Variants in SMC5 observed in about 807,000 individuals in gnomAD.
SMC5 encodes structural maintenance of chromosomes 5.
SMC5 carries 88 observed loss-of-function variants against 148.3 expected under a neutral mutation model. The observed-to-expected ratio is 0.59, with a 90% CI of 0.50 to 0.71. SMC5 has a LOEUF of 0.71. Among genes scored for constraint, SMC5 ranks in the 30% least tolerant of loss-of-function variants. The pLI is 0.00. For missense variants in SMC5, 1,142 were observed against 1,298.9 expected, an observed-to-expected ratio of 0.88 and a Z score of 1.86; for synonymous variants, 421 against 432.8, an observed-to-expected ratio of 0.97 and a Z score of 0.34.
intron 17 of SMC5, among the ~76,000 whole-genome samples, chr9:70,337,298 G>A (rs1286438253): frequency 1.3e-5 from 2 of 152,168 alleles, no homozygotes; most frequent in Non-Finnish European, 2.9e-5. Flanking sequence ...TTTGGAGTAA[G>A]TATGCTCTTA....
intron 17 of SMC5, among the ~76,000 whole-genome samples, chr9:70,332,045 T>C (rs564558937): frequency 6.3e-4 from 96 of 152,236 alleles, no homozygotes; most frequent in Non-Finnish European, 1.2e-3. Flanking sequence ...GCCAATAAAT[T>C]TGACAACTTT....
rs555849147 is a variant in SMC5, at chr9:70,282,997, A to G, written c.981+414A>G. Among the ~76,000 whole-genome samples the G allele has an allele frequency of 1.5e-3, 223 of 152,348 alleles. 1 individual carries two copies. Among genetic ancestry groups the G allele is most frequent in the Admixed American group, 5.0e-3 (76 of 15,294 alleles). On this transcript the variant is annotated intron_variant, in intron 7 of 24. Transcript: ENST00000361138. ...CTGTATTTTAAAAGTATAACTAGAT[A>G]TTTTTTATGACTATGGCTTCTAACC...
chr9:70,300,222 G>A (rs773651824), intron 10 of SMC5, 22 bp downstream of exon 10: 3 of 1,563,686 alleles, frequency 1.9e-6, no homozygotes, highest in Non-Finnish European at 2.6e-6. Flanking sequence ...TGTTCATCTT[G>A]GTAGTATTGG....
intron 8 of SMC5, among the ~76,000 whole-genome samples, chr9:70,295,152 G>A (rs535526660): frequency 1.3e-5 from 2 of 152,120 alleles, no homozygotes; most frequent in South Asian, 4.1e-4. Context: ...AAATAGCCAA[G>A]TTTCCATTAG....
intron 3 of SMC5, among the ~76,000 whole-genome samples, chr9:70,276,099 A>C (rs1338662480): frequency 6.6e-6 from 1 of 152,234 alleles, no homozygotes; most frequent in Non-Finnish European, 1.5e-5. Context: ...TCTGCCAGAG[A>C]CCATTGAATA....
chr9:70,317,971 T>C (rs1024672712), intron 13 of SMC5, among the ~76,000 whole-genome samples: 2 of 152,190 alleles, frequency 1.3e-5, no homozygotes, highest in African/African-American at 4.8e-5. Context: ...TCCTGCTATC[T>C]CTTCTTTAGA....
At position 70,352,259 on chromosome 9, in the gene SMC5, G is replaced by A. The variant is rs1204530253; in HGVS notation, c.3234G>A (p.Leu1078=). 2 of 1,613,734 alleles carry A rather than the reference G, an allele frequency of 1.2e-6. No homozygotes were observed. Among genetic ancestry groups the A allele is most frequent in the South Asian group, 2.2e-5 (2 of 90,996 alleles). ...VLFVYNGPHM[L]EPNTWNLKAF... is the part of the protein sequence containing the mutation. The stretch of plus-strand genomic sequence containing the variant: ...TTGTCTACAATGGCCCTCATATGCT[G>A]GAACCAAACACATGGAATTTAAAGG... Residue 1078 remains leucine, a synonymous_variant, in exon 25 of 25, where the codon CTG becomes CTA. Transcript: ENST00000361138.
At chr9:70,307,681 T>G (rs1358982105) in intron 11 of SMC5, among the ~76,000 whole-genome samples, 2 of 152,122 alleles carry the variant, frequency 1.3e-5, no homozygotes, top group Non-Finnish European at 2.9e-5. Flanking sequence ...TTTTTGTATT[T>G]TTAGTAGAGA....
chr9:70,285,740 T>C (rs576248120), intron 7 of SMC5, among the ~76,000 whole-genome samples: 1 of 152,178 alleles, frequency 6.6e-6, no homozygotes, highest in Admixed American at 6.5e-5. Flanking sequence ...GTCTATAATA[T>C]GTCATGTATG....
intron 17 of SMC5, among the ~76,000 whole-genome samples, chr9:70,334,877 C>A (rs11142373): frequency 0.22 from 32,721 of 151,758 alleles, 3,661 homozygotes; most frequent in South Asian, 0.28. Flanking sequence ...TCTTGGGTAG[C>A]AAAGAAAAAG....
intron 15 of SMC5, among the ~76,000 whole-genome samples, chr9:70,320,463 A>G (rs1197597053): frequency 6.6e-6 from 1 of 152,216 alleles, no homozygotes; most frequent in Non-Finnish European, 1.5e-5. Context: ...TTATGTCTGT[A>G]TGGAACACAT....
intron 8 of SMC5, among the ~76,000 whole-genome samples, chr9:70,293,336 C>G (rs2035114132): frequency 6.7e-6 from 1 of 150,116 alleles, no homozygotes; most frequent in Non-Finnish European, 1.5e-5. Flanking sequence ...CCCCCTCTCC[C>G]CCACCCCCCT....
At chr9:70,288,854 T>TTTTA (rs2034979314) in intron 8 of SMC5, among the ~76,000 whole-genome samples, 1 of 152,140 alleles carries the variant, frequency 6.6e-6, no homozygotes, top group African/African-American at 2.4e-5. Flanking sequence ...TTTTTTTGGC[T>TTTTA]TTTATTGTGT....
chr9:70,269,436 G>A (rs2034384637), intron 3 of SMC5, among the ~76,000 whole-genome samples: 1 of 151,934 alleles, frequency 6.6e-6, no homozygotes, highest in South Asian at 2.1e-4. Flanking sequence ...ACAAAAATTA[G>A]CCAGGCCTGG....
intron 11 of SMC5, among the ~76,000 whole-genome samples, chr9:70,314,435 C>G (rs1340954491): frequency 6.6e-6 from 1 of 152,072 alleles, no homozygotes; most frequent in African/African-American, 2.4e-5. Flanking sequence ...TAGTCCAATA[C>G]AAGATAATCT....
At chr9:70,268,000 C>T (rs1200719170) in intron 3 of SMC5, 25 bp downstream of exon 3, 2 of 1,576,894 alleles carry the variant, frequency 1.3e-6, no homozygotes, top group Non-Finnish European at 1.7e-6. Flanking sequence ...TGCTAAAACT[C>T]CTTTTTCCTA....
At chr9:70,300,230 T>C in intron 10 of SMC5, 30 bp downstream of exon 10, 13 of 1,560,662 alleles carry the variant, frequency 8.3e-6, no homozygotes, top group Non-Finnish European at 1.1e-5. Context: ...TTGGTAGTAT[T>C]GGTTTTATTA....
chr9:70,267,802 C>A, intron 2 of SMC5, 121 bp from the exon 3 acceptor site: 3 of 742,714 alleles, frequency 4.0e-6, no homozygotes, highest in South Asian at 1.9e-5. Flanking sequence ...GTGACAGGAG[C>A]GAACATACAA....
In SMC5 at chr9:70,264,316, T is replaced by C; in HGVS notation, c.198T>C (p.Ile66=). The C allele has an allele frequency of 1.9e-6, 3 of 1,613,254 alleles. No homozygotes were observed. The highest frequency in any genetic ancestry group is 2.5e-6 in the Non-Finnish European group (3 of 1,179,542). The change falls in exon 2 of 25, where the codon ATT becomes ATC. Residue 66 remains isoleucine, a synonymous_variant. Transcript: ENST00000361138. The stretch of plus-strand genomic sequence containing the variant: ...CTTTATAATTCAGAACATATGATAT[T>C]TGTGAAGTATCTCCTGGACCCCACT... ...ISMENFLTYD[I]CEVSPGPHLN...
Sources: gnomAD v4.1 joint callset for allele counts (sites outside exome capture counted in the v4.1 genomes callset) on GRCh38, gnomAD v4.1.1 for gene constraint, MANE v1.5 for transcripts, NCBI Gene and HGNC (gene_info 2026-07-23, HGNC 2026-07-21) for gene names.